SPATA17: variants seen among roughly 807,000 people sequenced by gnomAD.
SPATA17 encodes spermatogenesis-associated protein 17.
In SPATA17, 53 loss-of-function variants were observed where a neutral mutation model predicts 62.2. That is an observed-to-expected ratio of 0.85 (90% CI 0.68 to 1.07). SPATA17 has a LOEUF of 1.07. SPATA17 is among the 50% of genes least tolerant of loss of function. The probability of loss-of-function intolerance (pLI) is 0.00; values close to 1 mark genes in which losing one functional copy is unlikely to be tolerated. For synonymous variants in SPATA17, 146 were observed against 146.8 expected, an observed-to-expected ratio of 0.99 and a Z score of 0.04; for missense variants, 466 against 425.5, an observed-to-expected ratio of 1.10 and a Z score of -0.84.
chr1:217,738,505 C>T (rs1447001232), intron 5 of SPATA17, among the ~76,000 whole-genome samples: 1 of 152,194 alleles, frequency 6.6e-6, no homozygotes, highest in African/African-American at 2.4e-5. Flanking sequence ...GAGTACTTTA[C>T]ATTGATTAAC....
intron 6 of SPATA17, among the ~76,000 whole-genome samples, chr1:217,752,603 GTGT>G (rs1419283254): frequency 6.6e-6 from 1 of 152,104 alleles, no homozygotes; most frequent in Admixed American, 6.5e-5. Flanking sequence ...TACTATAAAA[GTGT>G]TGTATAATGC....
chr1:217,717,043 G>A (rs549573122), intron 5 of SPATA17, among the ~76,000 whole-genome samples: 9 of 152,166 alleles, frequency 5.9e-5, no homozygotes, highest in African/African-American at 9.6e-5. Flanking sequence ...GCCTCTTTAT[G>A]TTTTGAATTA....
rs748232859 is a variant in SPATA17, at chr1:217,648,888, A to G, written c.75A>G (p.Val25=). The G allele has an allele frequency of 2.1e-5, 34 of 1,604,394 alleles. No homozygotes were observed. The East Asian group carries it at 7.2e-4, about 34-fold the overall frequency. The change falls in exon 2 of 11, where the codon GTA becomes GTG. Residue 25 remains valine, a synonymous_variant. Transcript: ENST00000366933. ...TTTAAACATTTTGTTTTAGTGTTGT[A>G]GATCCATTTAGAAAAAAGGAGAATG... ...GNQYYFRNSV[V]DPFRKKENDA...
chr1:217,822,127 C>T (rs372579615), intron 9 of SPATA17, among the ~76,000 whole-genome samples: 29 of 151,976 alleles, frequency 1.9e-4, no homozygotes, highest in Non-Finnish European at 2.9e-4. Context: ...TGAGTATGCA[C>T]GTTTTTAAGA....
At chr1:217,743,855 C>G (rs537458639) in intron 6 of SPATA17, among the ~76,000 whole-genome samples, 8 of 152,142 alleles carry the variant, frequency 5.3e-5, no homozygotes, top group East Asian at 2.0e-4. Context: ...GTGATCCCCC[C>G]GCCTGGGCCT....
chr1:217,729,686 G>A (rs1351587144), intron 5 of SPATA17, among the ~76,000 whole-genome samples: 2 of 152,104 alleles, frequency 1.3e-5, no homozygotes, highest in Non-Finnish European at 2.9e-5. Flanking sequence ...AACATAAAAT[G>A]TAGAATATAT....
At chr1:217,806,002 C>G (rs1414673358) in intron 9 of SPATA17, among the ~76,000 whole-genome samples, 1 of 152,104 alleles carries the variant, frequency 6.6e-6, no homozygotes, top group Non-Finnish European at 1.5e-5. Flanking sequence ...CTGAGGCAAA[C>G]TTCCTGTGTA....
At chr1:217,668,393 G>A (rs1403351326) in intron 3 of SPATA17, among the ~76,000 whole-genome samples, 1 of 152,042 alleles carries the variant, frequency 6.6e-6, no homozygotes, top group African/African-American at 2.4e-5. Context: ...AACACTTCAG[G>A]AAGTCTTCAC....
In SPATA17 at chr1:217,740,169, C is replaced by CTT. The variant is rs1553371121; in HGVS notation, c.396-1805_396-1804dup. ...TTTTCAATTATATTAGGCCTTTCTT[C>CTT]TTATATAAGACCTTTTCATATTTAT... On this transcript the variant is annotated intron_variant, in intron 5 of 10. Coordinates refer to ENST00000366933, the MANE Select transcript of SPATA17 (RefSeq NM_138796.4). Among the ~76,000 whole-genome samples the CTT allele has an allele frequency of 4.7e-5, 7 of 150,484 alleles. 1 individual carries two copies. The South Asian group carries it at 1.5e-3, about 33-fold the overall frequency.
intron 5 of SPATA17, among the ~76,000 whole-genome samples, chr1:217,688,915 G>C (rs1234886171): frequency 6.6e-6 from 1 of 152,098 alleles, no homozygotes; most frequent in Non-Finnish European, 1.5e-5. Context: ...CTGATATATA[G>C]TAAGTCCAAG....
At chr1:217,803,057 C>T (rs1674349262) in intron 9 of SPATA17, among the ~76,000 whole-genome samples, 2 of 152,230 alleles carry the variant, frequency 1.3e-5, no homozygotes, top group East Asian at 1.9e-4. Flanking sequence ...GGACTACAGG[C>T]GCATGCCACC....
intron 3 of SPATA17, among the ~76,000 whole-genome samples, chr1:217,659,407 A>T (rs1228677835): frequency 6.6e-6 from 1 of 152,168 alleles, no homozygotes; most frequent in Non-Finnish European, 1.5e-5. Context: ...GAATAACAGA[A>T]GGTTGGTAAG....
intron 4 of SPATA17, among the ~76,000 whole-genome samples, chr1:217,676,656 GA>G (rs558416226): frequency 1.1e-4 from 17 of 152,132 alleles, no homozygotes; most frequent in Admixed American, 2.0e-4. Context: ...TAATGCCTTT[GA>G]AAAGCCTCCT....
chr1:217,696,225 C>T (rs1033101795), intron 5 of SPATA17, among the ~76,000 whole-genome samples: 1 of 152,174 alleles, frequency 6.6e-6, no homozygotes, highest in Non-Finnish European at 1.5e-5. Flanking sequence ...GTCTGAAAAG[C>T]GCAATATTCG....
chr1:217,726,497 T>G (rs186890660), intron 5 of SPATA17, among the ~76,000 whole-genome samples: 1 of 152,210 alleles, frequency 6.6e-6, no homozygotes, highest in African/African-American at 2.4e-5. Flanking sequence ...GCTGGGGTTC[T>G]CACTAGGGCC....
intron 1 of SPATA17, among the ~76,000 whole-genome samples, chr1:217,642,769 G>C (rs183470401): frequency 6.6e-6 from 1 of 152,274 alleles, no homozygotes; most frequent in African/African-American, 2.4e-5. Context: ...CACCATGATT[G>C]TAAGTTTCCT....
At chr1:217,631,881 C>T (rs1180430746) in intron 1 of SPATA17, among the ~76,000 whole-genome samples, 2 of 152,244 alleles carry the variant, frequency 1.3e-5, no homozygotes, top group East Asian at 3.9e-4. Flanking sequence ...ACTCATTCGC[C>T]TTTTTAAAAT....
chr1:217,648,829 CT>C, intron 1 of SPATA17, 52 bp from the exon 2 acceptor site: 1 of 1,128,864 alleles, frequency 8.9e-7, no homozygotes, highest in Admixed American at 2.4e-5. Flanking sequence ...GGTTGACTTG[CT>C]TTAGAATTAT....
intron 5 of SPATA17, among the ~76,000 whole-genome samples, chr1:217,726,168 G>A (rs1016954785): frequency 6.6e-6 from 1 of 152,170 alleles, no homozygotes; most frequent in Non-Finnish European, 1.5e-5. Flanking sequence ...GAGGGATGAA[G>A]AATAAATTGG....
Sources: allele counts gnomAD v4.1 joint callset (sites outside exome capture counted in the v4.1 genomes callset), GRCh38; gene constraint gnomAD v4.1.1; transcripts MANE v1.5; gene names NCBI Gene and HGNC (gene_info 2026-07-23, HGNC 2026-07-21).